The following VPS13B variants were observed in gnomAD, a reference collection of about 807,000 sequenced individuals.
VPS13B encodes vacuolar protein sorting 13 homolog B, also known as intermembrane lipid transfer protein VPS13B.
VPS13B carries 285 observed loss-of-function variants against 426.4 expected under a neutral mutation model. The observed-to-expected ratio is 0.67, with a 90% CI of 0.61 to 0.74. The LOEUF (loss-of-function observed/expected upper bound fraction) is 0.74. Ranked by LOEUF, VPS13B falls within the 30% of genes least tolerant of loss-of-function variation. VPS13B has a pLI of 0.00. For missense variants in VPS13B, 4,537 were observed against 4,782.6 expected (o/e 0.95, Z 1.51); for synonymous variants, 1,676 against 1,676.4 (o/e 1.00, Z 0.01).
chr8:99,779,967 C>A (rs1206058438), intron 42 of VPS13B, among the ~76,000 whole-genome samples: 12 of 152,122 alleles, frequency 7.9e-5, no homozygotes, highest in Admixed American at 7.9e-4. Context: ...CTTTTGTTCT[C>A]TAACTTAAGA....
intron 35 of VPS13B, chr8:99,697,729 G>A: frequency 3.2e-6 from 2 of 628,626 alleles, no homozygotes; most frequent in Admixed American, 2.1e-5. Flanking sequence ...AGCTGGGCCT[G>A]GCCTAGGGCG....
intron 21 of VPS13B, among the ~76,000 whole-genome samples, chr8:99,430,438 T>C (rs1174578927): frequency 6.6e-6 from 1 of 152,172 alleles, no homozygotes; most frequent in Non-Finnish European, 1.5e-5. Context: ...AAATTATGTA[T>C]TTGAATTAAC....
intron 8 of VPS13B, among the ~76,000 whole-genome samples, chr8:99,132,530 A>T (rs1463444196): frequency 2.0e-5 from 3 of 152,114 alleles, no homozygotes; most frequent in African/African-American, 7.2e-5. Context: ...TGAATCACAA[A>T]TGTTCTTAAT....
intron 21 of VPS13B, among the ~76,000 whole-genome samples, chr8:99,397,846 T>G (rs1814819511): frequency 6.6e-6 from 1 of 152,180 alleles, no homozygotes; most frequent in Non-Finnish European, 1.5e-5. Context: ...GTTTATATAC[T>G]CTTGACTAGA....
Position 99,575,801 on chromosome 8 carries a change from G to T in VPS13B, c.5076+17G>T. 1 of 1,611,116 alleles carries T rather than the reference G, an allele frequency of 6.2e-7. No individual in the cohort carries two copies. The highest frequency in any genetic ancestry group is 2.2e-5 in the East Asian group (1 of 44,780). Reference sequence around the variant, plus strand: ...CATACTGAGGTTAGAACATAATTTTGATTTTATTTTAGTCTAAATAATGGA... The same window carrying T: ...CATACTGAGGTTAGAACATAATTTTTATTTTATTTTAGTCTAAATAATGGA... On this transcript the variant is annotated intron_variant, in intron 32 of 61. Coordinates refer to ENST00000357162, the MANE Select transcript of VPS13B (RefSeq NM_152564.5).
chr8:99,425,481 T>C (rs1816643800), intron 21 of VPS13B, among the ~76,000 whole-genome samples: 1 of 152,148 alleles, frequency 6.6e-6, no homozygotes, highest in South Asian at 2.1e-4. Context: ...ATTATCTCAA[T>C]AGATGCAGAA....
rs147781442 is a variant in VPS13B, at chr8:99,510,467, C to T, written c.4225-637C>T. Among the ~76,000 whole-genome samples, 96 of 152,210 alleles carry T rather than the reference C, an allele frequency of 6.3e-4. 2 individuals carry two copies. The highest frequency in any genetic ancestry group is 1.9e-3 in the African/African-American group (80 of 41,540). On this transcript the variant is annotated intron_variant, in intron 28 of 61. Coordinates refer to ENST00000357162, the MANE Select transcript of VPS13B (RefSeq NM_152564.5). ...TAGTACTCATAATGAAAAATTATCA[C>T]GAAATGAAAAGATAAAATCAAGATA... is the stretch of plus-strand genomic sequence containing the variant.
intron 21 of VPS13B, among the ~76,000 whole-genome samples, chr8:99,430,709 C>A (rs996311941): frequency 4.0e-5 from 6 of 151,450 alleles, no homozygotes; most frequent in Middle Eastern, 3.4e-3. Flanking sequence ...TCCACCCCCC[C>A]CCCAACTTTT....
chr8:99,365,516 C>CTTTT (rs1554754985), intron 19 of VPS13B, among the ~76,000 whole-genome samples: 6 of 102,390 alleles, frequency 5.9e-5, no homozygotes, highest in East Asian at 2.6e-4. Context: ...TCTTCTTCTT[C>CTTTT]TTTTTTTTTT....
At chr8:99,077,425 C>T (rs1009380475) in intron 3 of VPS13B, among the ~76,000 whole-genome samples, 4 of 152,068 alleles carry the variant, frequency 2.6e-5, no homozygotes, top group Admixed American at 1.3e-4. Context: ...CTGCCTCGGC[C>T]TCCCAAAGTG....
At chr8:99,779,861 T>C (rs1299871031) in intron 42 of VPS13B, among the ~76,000 whole-genome samples, 1 of 152,228 alleles carries the variant, frequency 6.6e-6, no homozygotes, top group Non-Finnish European at 1.5e-5. Context: ...ACATTTTGTA[T>C]ATATTACATT....
At chr8:99,473,870 A>G (rs1819543939) in intron 24 of VPS13B, among the ~76,000 whole-genome samples, 1 of 152,166 alleles carries the variant, frequency 6.6e-6, no homozygotes, top group African/African-American at 2.4e-5. Flanking sequence ...ACAACCGGAA[A>G]ATGGAATGAA....
chr8:99,647,738 A>G (rs1417689238), intron 34 of VPS13B, among the ~76,000 whole-genome samples: 2 of 152,172 alleles, frequency 1.3e-5, no homozygotes, highest in Non-Finnish European at 1.5e-5. Context: ...GGGGACCTAC[A>G]CAGATAACGC....
At position 99,107,813 on chromosome 8, in the gene VPS13B, T is replaced by C. The variant is rs577000321; in HGVS notation, c.581-3285T>C. Among the ~76,000 whole-genome samples the C allele has an allele frequency of 2.6e-3, 393 of 152,364 alleles. 3 individuals carry two copies. Among genetic ancestry groups the C allele is most frequent in the African/African-American group, 9.2e-3 (381 of 41,590 alleles). On this transcript the variant is annotated intron_variant, in intron 5 of 61. Coordinates refer to ENST00000357162, the MANE Select transcript of VPS13B (RefSeq NM_152564.5). Reference sequence around the variant, plus strand: ...TAAATCAATTTATTACCATCCATACTATCTGTGAGAATTAATATTTCTTTT... The same window carrying C: ...TAAATCAATTTATTACCATCCATACCATCTGTGAGAATTAATATTTCTTTT...
rs542564473 is a variant in VPS13B, at chr8:99,276,901, G to A, written c.2824+1647G>A. Among the ~76,000 whole-genome samples, 82 of 152,158 alleles carry A rather than the reference G, an allele frequency of 5.4e-4. 1 individual carries two copies. The highest frequency in any genetic ancestry group is 1.9e-3 in the African/African-American group (81 of 41,554). ...AATCTTGCCACTTGTTCTTGAGTTG[G>A]ACAGGAACTCTTAATATTTGTTTTA... On this transcript the variant is annotated intron_variant, in intron 19 of 61. Transcript: ENST00000357162.
intron 3 of VPS13B, among the ~76,000 whole-genome samples, chr8:99,063,673 C>T (rs1394651539): frequency 2.0e-5 from 3 of 152,238 alleles, no homozygotes; most frequent in South Asian, 4.1e-4. Flanking sequence ...GCAGAAACTT[C>T]TTCAGACTTA....
chr8:99,661,345 T>C lies in VPS13B; in HGVS notation c.5909-9T>C. Reference sequence around the variant, plus strand: ...ACTGATGTTTTTAATTTCAATTTTGTCACTTTAGATCCTGGGAAGACTCTG... The same window carrying C: ...ACTGATGTTTTTAATTTCAATTTTGCCACTTTAGATCCTGGGAAGACTCTG... On this transcript the variant is annotated splice_polypyrimidine_tract_variant and intron_variant, in intron 34 of 61. Transcript: ENST00000357162. 1 of 1,613,522 alleles carries C rather than the reference T, an allele frequency of 6.2e-7. No homozygotes were observed. The highest frequency in any genetic ancestry group is 8.5e-7 in the Non-Finnish European group (1 of 1,179,704).
intron 34 of VPS13B, among the ~76,000 whole-genome samples, chr8:99,654,859 C>CA (rs796454771): frequency 0.012 from 1,487 of 120,870 alleles, 8 homozygotes; most frequent in South Asian, 0.02. Flanking sequence ...AGGATTAAGC[C>CA]AAAAAAAAAA....
chr8:99,379,037 T>G (rs182925922), intron 19 of VPS13B, among the ~76,000 whole-genome samples: 8 of 152,350 alleles, frequency 5.3e-5, no homozygotes, highest in Admixed American at 5.2e-4. Context: ...ACCTGAGCTC[T>G]GCCTACTGTC....
Sources: gnomAD v4.1 joint callset for allele counts (sites outside exome capture counted in the v4.1 genomes callset) on GRCh38, gnomAD v4.1.1 for gene constraint, MANE v1.5 for transcripts, NCBI Gene and HGNC (gene_info 2026-07-23, HGNC 2026-07-21) for gene names.